Variants in CCDC150 observed in about 807,000 individuals in gnomAD.
CCDC150 encodes coiled-coil domain-containing protein 150.
A neutral mutation model predicts 156.5 loss-of-function variants in CCDC150; 151 were observed. The observed-to-expected ratio is 0.97, with a 90% CI of 0.85 to 1.10. The LOEUF (loss-of-function observed/expected upper bound fraction) is 1.10, where lower values mean the gene tolerates loss of function less well. Ranked by LOEUF, CCDC150 falls within the 50% of genes least tolerant of loss-of-function variation. CCDC150 has a pLI of 0.00. For synonymous variants in CCDC150, 452 were observed against 429.4 expected (o/e 1.05, Z -0.65); for missense variants, 1,312 against 1,268.1 (o/e 1.03, Z -0.53).
At chr2:196,677,471 G>A (rs1472696126) in intron 13 of CCDC150, 110 bp downstream of exon 13, 1 of 731,798 alleles carries the variant, frequency 1.4e-6, no homozygotes, top group South Asian at 1.7e-5. Flanking sequence ...AAGCTGCAGG[G>A]AAAGGAGAGC....
At chr2:196,664,747 C>T (rs1156763953) in intron 5 of CCDC150, among the ~76,000 whole-genome samples, 1 of 152,086 alleles carries the variant, frequency 6.6e-6, no homozygotes, top group African/African-American at 2.4e-5. Context: ...GGGGACCAGC[C>T]CCCATCCACA....
chr2:196,658,376 T>A (rs966537232), intron 4 of CCDC150, among the ~76,000 whole-genome samples: 8 of 152,128 alleles, frequency 5.3e-5, no homozygotes, highest in African/African-American at 1.9e-4. Context: ...AGAAAGAGAA[T>A]AAGTAGGGAA....
Position 196,732,039 on chromosome 2 carries a change from G to A in CCDC150, c.3076G>A (p.Ala1026Thr). The A allele has an allele frequency of 6.2e-7, 1 of 1,613,670 alleles. No individual in the cohort carries two copies. The highest frequency in any genetic ancestry group is 1.1e-5 in the South Asian group (1 of 91,060). The change falls in exon 27 of 28, where the codon GCT (alanine) becomes ACT (threonine). Residue 1026 changes from alanine to threonine, a missense_variant. Physicochemically the swap from Ala to Thr is moderately conservative, Grantham distance 58. Transcript: ENST00000389175. ...GTGATATTTATATGTTCAGATAACA[G>A]CTAATCTGGAAGAAGCTCATCGCTG... ...EASVESEQIT[A>T]NLEEAHRWFK...
chr2:196,711,173 C>A (rs1202941084), intron 15 of CCDC150, among the ~76,000 whole-genome samples: 2 of 152,134 alleles, frequency 1.3e-5, no homozygotes, highest in African/African-American at 2.4e-5. Flanking sequence ...CAGGGCACAG[C>A]CTGATGAACT....
At chr2:196,655,133 A>G (rs930322994) in intron 2 of CCDC150, among the ~76,000 whole-genome samples, 1 of 152,212 alleles carries the variant, frequency 6.6e-6, no homozygotes, top group African/African-American at 2.4e-5. Flanking sequence ...AGCAGGCATT[A>G]TTTATCTGCA....
At position 196,669,863 on chromosome 2, in the gene CCDC150, T is replaced by C. The variant is rs768476484; in HGVS notation, c.923T>C (p.Val308Ala). Residue 308 changes from valine to alanine, a missense_variant, in exon 8 of 28, where the codon GTT (valine) becomes GCT (alanine). Coordinates refer to ENST00000389175, the MANE Select transcript of CCDC150 (RefSeq NM_001080539.2). ...TSRDDLISKL[V>A]EENKNLQISF... ...AGAGATGACCTCATTTCCAAGTTGG[T>C]TGAAGAAAATAAGGTGAGTTTTGAA... 10 of 1,611,268 alleles carry C rather than the reference T, an allele frequency of 6.2e-6. No homozygotes were observed. The South Asian group carries it at 6.6e-5, about 11-fold the overall frequency.
At chr2:196,700,449 G>GCC (rs1696132213) in intron 14 of CCDC150, among the ~76,000 whole-genome samples, 1 of 152,020 alleles carries the variant, frequency 6.6e-6, no homozygotes, top group African/African-American at 2.4e-5. Context: ...TACCAATATG[G>GCC]CCCAAAATTT....
intron 13 of CCDC150, among the ~76,000 whole-genome samples, chr2:196,689,957 G>A (rs540918569): frequency 2.6e-5 from 4 of 152,158 alleles, no homozygotes; most frequent in South Asian, 4.2e-4. Flanking sequence ...TAGCATGAAG[G>A]GTTGTTGAAT....
intron 26 of CCDC150, 59 bp from the exon 27 acceptor site, chr2:196,731,974 C>T: frequency 6.5e-7 from 1 of 1,549,654 alleles, no homozygotes; most frequent in Non-Finnish European, 8.8e-7. Context: ...GCAACTAATA[C>T]ACAAAAAAAC....
At chr2:196,720,055 T>G in intron 19 of CCDC150, 1 of 368,194 alleles carries the variant, frequency 2.7e-6, no homozygotes, top group Admixed American at 4.1e-5. Context: ...TTTATTACTA[T>G]CCTGTTTCAA....
At chr2:196,675,219 T>G (rs1382590447) in intron 10 of CCDC150, among the ~76,000 whole-genome samples, 1 of 152,142 alleles carries the variant, frequency 6.6e-6, no homozygotes. Context: ...CTAAGCATGC[T>G]TTGCACATAA....
intron 5 of CCDC150, among the ~76,000 whole-genome samples, chr2:196,661,909 T>A (rs925860492): frequency 2.0e-5 from 3 of 152,148 alleles, no homozygotes; most frequent in African/African-American, 7.2e-5. Flanking sequence ...GCCTACATAA[T>A]GGGGGTGATT....
intron 22 of CCDC150, 61 bp from the exon 23 acceptor site, chr2:196,729,132 C>A: frequency 1.4e-6 from 2 of 1,405,800 alleles, no homozygotes; most frequent in Non-Finnish European, 1.9e-6. Flanking sequence ...AAGGACAAAA[C>A]TAAGTAAGCT....
At chr2:196,678,258 A>G (rs1053814837) in intron 13 of CCDC150, among the ~76,000 whole-genome samples, 1 of 152,236 alleles carries the variant, frequency 6.6e-6, no homozygotes, top group African/African-American at 2.4e-5. Context: ...TAGACAAGAA[A>G]TCCAGCAATA....
rs1353719770 is a variant in CCDC150, at chr2:196,732,787, T to C, written c.*225T>C. On this transcript the variant is annotated 3_prime_UTR_variant, in exon 28 of 28. Coordinates refer to ENST00000389175, the MANE Select transcript of CCDC150 (RefSeq NM_001080539.2). The stretch of plus-strand genomic sequence containing the variant: ...TCCACCCAATAAATTTGTGTTAATT[T>C]GTTGTATGATAGGAGATGGTGTTGC... 8.4e-6 allele frequency: 3 copies of C among 357,500 alleles called. No individual in the cohort carries two copies. Among genetic ancestry groups the C allele is most frequent in the Non-Finnish European group, 1.5e-5 (3 of 194,754 alleles). 22.1% of individuals were successfully genotyped at this position (357,500 alleles called of 1,614,324 possible).
At position 196,656,860 on chromosome 2, in the gene CCDC150, A is replaced by T. The variant is rs1314915769; in HGVS notation, c.397+7A>T. The T allele has an allele frequency of 6.2e-7, 1 of 1,613,214 alleles. No individual in the cohort carries two copies. The highest frequency in any genetic ancestry group is 1.7e-5 in the Admixed American group (1 of 59,938). ...TTGAATCCTCAGAAAACAGGTATAG[A>T]GATAAGAATCATCAGAAATGTGGTC... On this transcript the variant is annotated splice_region_variant and intron_variant, in intron 3 of 27. Coordinates refer to ENST00000389175, the MANE Select transcript of CCDC150 (RefSeq NM_001080539.2).
At position 196,730,943 on chromosome 2, in the gene CCDC150, C is replaced by G. The variant is rs368280366; in HGVS notation, c.3067C>G (p.Gln1023Glu). 6.3e-7 allele frequency: 1 copy of G among 1,592,258 alleles called. No homozygotes were observed. The highest frequency in any genetic ancestry group is 2.3e-5 in the East Asian group (1 of 44,028). Residue 1023 changes from glutamine to glutamate, a missense_variant and splice_region_variant, in exon 26 of 28, where the codon CAG becomes GAG. Coordinates refer to ENST00000389175, the MANE Select transcript of CCDC150 (RefSeq NM_001080539.2). ...GAAAGAAGCCAGTGTGGAATCAGAACAGGTGAGCCAGACCCACGGACATAA... is the reference window on the plus strand; with the variant it reads ...GAAAGAAGCCAGTGTGGAATCAGAAGAGGTGAGCCAGACCCACGGACATAA... Reference protein sequence around the residue: ...TLKEASVESEQITANLEEAHR... With the variant: ...TLKEASVESEEITANLEEAHR...
At chr2:196,646,023 T>C (rs2125566934) in intron 1 of CCDC150, among the ~76,000 whole-genome samples, 1 of 152,320 alleles carries the variant, frequency 6.6e-6, no homozygotes, top group Middle Eastern at 3.4e-3. Context: ...ATAGGTTTAT[T>C]GTATGTCATG....
intron 1 of CCDC150, among the ~76,000 whole-genome samples, chr2:196,645,538 A>G (rs751128756): frequency 2.0e-5 from 3 of 152,246 alleles, no homozygotes; most frequent in East Asian, 1.9e-4. Flanking sequence ...TTGCAGGACA[A>G]TGTTTTTAAA....
Sources: allele counts gnomAD v4.1 joint callset (sites outside exome capture counted in the v4.1 genomes callset), GRCh38; gene constraint gnomAD v4.1.1; transcripts MANE v1.5; gene names NCBI Gene and HGNC (gene_info 2026-07-23, HGNC 2026-07-21).